ATP10A: variants seen among roughly 807,000 people sequenced by gnomAD.
The protein encoded by ATP10A is phospholipid-transporting ATPase VA.
A neutral mutation model predicts 147.8 loss-of-function variants in ATP10A; 111 were observed. The ratio of observed to expected loss-of-function variants is 0.75; its 90% CI spans 0.64 to 0.88. ATP10A has a LOEUF of 0.88. Ranked by LOEUF, ATP10A falls within the 40% of genes least tolerant of loss-of-function variation. ATP10A has a pLI of 0.00. For missense variants in ATP10A, 1,927 were observed against 1,959.0 expected (o/e 0.98, Z 0.31); for synonymous variants, 875 against 841.6 (o/e 1.04, Z -0.69).
At chr15:25,805,217 C>A (rs1891126879) in intron 1 of ATP10A, among the ~76,000 whole-genome samples, 1 of 152,184 alleles carries the variant, frequency 6.6e-6, no homozygotes, top group African/African-American at 2.4e-5. Flanking sequence ...TGGCTGGATC[C>A]GGGTGACTCA....
rs551035485 is a variant in ATP10A, at chr15:25,705,915, T to G, written c.2575+2061A>C. The stretch of plus-strand genomic sequence containing the variant: ...GGCACCCATGTGGGCAACCCAGGAG[T>G]TCCATCGCTGACACATCTCAGAGCC... On this transcript the variant is annotated intron_variant, in intron 12 of 20. Transcript: ENST00000555815. Among the ~76,000 whole-genome samples the G allele has an allele frequency of 7.9e-5, 12 of 151,940 alleles. No individual in the cohort carries two copies. The South Asian group carries it at 2.5e-3, about 32-fold the overall frequency.
At chr15:25,716,700 G>A in intron 9 of ATP10A, 30 bp downstream of exon 9, 5 of 1,518,338 alleles carry the variant, frequency 3.3e-6, no homozygotes, top group African/African-American at 1.4e-5. Context: ...AGAAGGTCAA[G>A]GTCAAGCTCA....
chr15:25,715,901 C>G (rs1901768367), intron 9 of ATP10A, among the ~76,000 whole-genome samples: 1 of 152,182 alleles, frequency 6.6e-6, no homozygotes, highest in Non-Finnish European at 1.5e-5. Flanking sequence ...TCAAAACTGC[C>G]TGGTTCCATA....
rs182236946 is a variant in ATP10A, at chr15:25,780,443, G to A, written c.654+576C>T. ...TCACACTCCCGGCACAGACCTGGCG[G>A]GTGGGGCCCTTTCTCCCTGGAGCAG... On this transcript the variant is annotated intron_variant, in intron 2 of 20. Coordinates refer to ENST00000555815, the MANE Select transcript of ATP10A (RefSeq NM_024490.4). 3.9e-5 allele frequency among the ~76,000 whole-genome samples: 6 copies of A among 152,346 alleles called. No individual in the cohort carries two copies. The East Asian group carries it at 1.2e-3, about 29-fold the overall frequency.
intron 2 of ATP10A, among the ~76,000 whole-genome samples, chr15:25,780,792 C>T (rs947640188): frequency 2.0e-5 from 3 of 152,190 alleles, no homozygotes; most frequent in African/African-American, 7.2e-5. Context: ...TAGACATGCA[C>T]AAAAGAAATC....
intron 7 of ATP10A, 146 bp from the exon 8 acceptor site, chr15:25,718,545 A>T: frequency 2.6e-6 from 2 of 779,516 alleles, no homozygotes; most frequent in Non-Finnish European, 4.1e-6. Context: ...ATAGCAAGGC[A>T]CGGAGAACAT....
At chr15:25,749,159 C>T (rs1888017448) in intron 2 of ATP10A, among the ~76,000 whole-genome samples, 1 of 150,058 alleles carries the variant, frequency 6.7e-6, no homozygotes, top group African/African-American at 2.4e-5. Flanking sequence ...TATGAACATA[C>T]ATACATATGC....
intron 13 of ATP10A, among the ~76,000 whole-genome samples, chr15:25,696,777 G>A (rs1900362877): frequency 6.6e-6 from 1 of 152,246 alleles, no homozygotes; most frequent in Admixed American, 6.5e-5. Context: ...CCAGTGCTCT[G>A]AGAAGATGAG....
chr15:25,853,529 T>C (rs1029667724), intron 1 of ATP10A, among the ~76,000 whole-genome samples: 5 of 152,104 alleles, frequency 3.3e-5, no homozygotes, highest in African/African-American at 1.2e-4. Context: ...CCATCACATG[T>C]CAGCCAGTAA....
At chr15:25,817,843 AG>A (rs1369050941) in intron 1 of ATP10A, among the ~76,000 whole-genome samples, 1 of 152,244 alleles carries the variant, frequency 6.6e-6, no homozygotes, top group African/African-American at 2.4e-5. Context: ...AACGGTTTAA[AG>A]AATTTGAAAG....
chr15:25,854,806 C>T (rs1893437490), intron 1 of ATP10A, among the ~76,000 whole-genome samples: 1 of 152,114 alleles, frequency 6.6e-6, no homozygotes. Flanking sequence ...GCTTGTAATC[C>T]CAGCACTTTG....
intron 1 of ATP10A, among the ~76,000 whole-genome samples, chr15:25,798,060 C>T (rs1002807126): frequency 2.0e-5 from 3 of 152,218 alleles, no homozygotes; most frequent in Middle Eastern, 3.4e-3. Context: ...AATCTGGAAT[C>T]CGGCCTAGTT....
rs561452006 is a variant in ATP10A at position 25,687,082 on chromosome 15, C to T, written c.3291+621G>A. On this transcript the variant is annotated intron_variant, in intron 16 of 20. Coordinates refer to ENST00000555815, the MANE Select transcript of ATP10A (RefSeq NM_024490.4). ...GCACCCCCTTCCTGCTGGGTCTGAG[C>T]CTCCCTGACCTAGGGGCTTGCCGCC... Among the ~76,000 whole-genome samples the T allele has an allele frequency of 4.6e-5, 5 of 107,572 alleles. 2 individuals are homozygous for T. The highest frequency in any genetic ancestry group is 8.4e-5 in the Non-Finnish European group (5 of 59,628). 70.6% of individuals were successfully genotyped at this position (107,572 alleles called of 152,430 possible).
rs549252472 is a variant in ATP10A, at chr15:25,681,614, C to G, written c.3493-540G>C. ...AAGGCAAGCACCCAAGGAAAACTCA[C>G]TCTCTCAGGACTTTTGGAGACGCGA... On this transcript the variant is annotated intron_variant, in intron 17 of 20. Transcript: ENST00000555815. 3.3e-5 allele frequency among the ~76,000 whole-genome samples: 5 copies of G among 152,320 alleles called. No individual in the cohort carries two copies. The South Asian group carries it at 1.0e-3, about 32-fold the overall frequency.
At chr15:25,780,981 G>A (rs763288831) in intron 2 of ATP10A, 38 bp downstream of exon 2, 11 of 1,602,122 alleles carry the variant, frequency 6.9e-6, no homozygotes, top group Non-Finnish European at 8.5e-7. Flanking sequence ...CTGTGTGGCT[G>A]TAATGCCTGC....
intron 15 of ATP10A, among the ~76,000 whole-genome samples, chr15:25,689,221 T>C (rs1380555459): frequency 6.6e-6 from 1 of 152,240 alleles, no homozygotes; most frequent in East Asian, 1.9e-4. Context: ...AAGTGGCCTT[T>C]CCAAAGCCTC....
chr15:25,804,508 G>A (rs947268381), intron 1 of ATP10A, among the ~76,000 whole-genome samples: 13 of 150,446 alleles, frequency 8.6e-5, no homozygotes, highest in African/African-American at 2.7e-4. Flanking sequence ...TGTGTGTGAC[G>A]TGTGTGTACA....
rs939344063 is a variant in ATP10A at position 25,712,212 on chromosome 15, T to C, written c.2344+1462A>G. On this transcript the variant is annotated intron_variant, in intron 10 of 20. Coordinates refer to ENST00000555815, the MANE Select transcript of ATP10A (RefSeq NM_024490.4). ...GGTGGAGTGTGAAATGTGGTCCTTC[T>C]TTTATGAAATAATGGCTGATGGTAT... 2.6e-5 allele frequency among the ~76,000 whole-genome samples: 4 copies of C among 152,256 alleles called. No homozygotes were observed. The East Asian group carries it at 7.7e-4, about 29-fold the overall frequency.
intron 15 of ATP10A, among the ~76,000 whole-genome samples, chr15:25,689,135 G>A (rs1001270545): frequency 3.9e-5 from 6 of 152,226 alleles, no homozygotes; most frequent in South Asian, 2.1e-4. Context: ...CTCTGAGGAC[G>A]CCTGGCTTGC....
Sources: gnomAD v4.1 joint callset for allele counts (sites outside exome capture counted in the v4.1 genomes callset) on GRCh38, gnomAD v4.1.1 for gene constraint, MANE v1.5 for transcripts, NCBI Gene and HGNC (gene_info 2026-07-23, HGNC 2026-07-21) for gene names.